DLG2: variants seen among roughly 807,000 people sequenced by gnomAD.
DLG2 encodes the protein discs large MAGUK scaffold protein 2, also known as disks large homolog 2.
Under a neutral mutation model 132.5 loss-of-function variants are expected in DLG2, and 45 were observed. The observed-to-expected ratio is 0.34, with a 90% CI of 0.27 to 0.44. The LOEUF (loss-of-function observed/expected upper bound fraction) is 0.44. Ranked by LOEUF, DLG2 falls within the 20% of genes least tolerant of loss-of-function variation. The pLI, the probability that DLG2 is intolerant of heterozygous loss-of-function variation, is 1.00. For missense variants in DLG2, 1,045 were observed against 1,196.9 expected (o/e 0.87, Z 1.87); for synonymous variants, 424 against 419.6 (o/e 1.01, Z -0.13).
chr11:84,575,497 CT>C (rs772668028), intron 6 of DLG2, among the ~76,000 whole-genome samples: 4 of 152,058 alleles, frequency 2.6e-5, no homozygotes, highest in Admixed American at 6.6e-5. Flanking sequence ...TCATTTGATT[CT>C]GTACAAAGTT....
At chr11:85,182,423 A>T (rs1347730297) in intron 4 of DLG2, among the ~76,000 whole-genome samples, 1 of 151,998 alleles carries the variant, frequency 6.6e-6, no homozygotes. Context: ...ACACATTTTA[A>T]TTGGCAAGGA....
At chr11:83,683,201 A>G (rs1010816120) in intron 18 of DLG2, among the ~76,000 whole-genome samples, 2 of 152,190 alleles carry the variant, frequency 1.3e-5, no homozygotes, top group African/African-American at 4.8e-5. Context: ...ATAATAGCTA[A>G]TATCTATTGA....
chr11:84,873,476 T>C (rs2085824639), intron 6 of DLG2, among the ~76,000 whole-genome samples: 1 of 152,224 alleles, frequency 6.6e-6, no homozygotes, highest in Non-Finnish European at 1.5e-5. Context: ...CACTGAGTTG[T>C]AATTCATTAC....
At chr11:85,054,564 T>G (rs1295869773) in intron 6 of DLG2, among the ~76,000 whole-genome samples, 1 of 152,208 alleles carries the variant, frequency 6.6e-6, no homozygotes, top group Non-Finnish European at 1.5e-5. Context: ...AAATATGCAC[T>G]TGTACATTCA....
intron 6 of DLG2, among the ~76,000 whole-genome samples, chr11:84,561,778 A>T (rs1312527485): frequency 6.6e-6 from 1 of 152,164 alleles, no homozygotes; most frequent in Non-Finnish European, 1.5e-5. Flanking sequence ...TTGTTAGTTA[A>T]TAAGTATCTA....
At chr11:84,072,861 T>C (rs2096777338) in intron 10 of DLG2, among the ~76,000 whole-genome samples, 1 of 152,112 alleles carries the variant, frequency 6.6e-6, no homozygotes, top group Non-Finnish European at 1.5e-5. Context: ...TGATAAAAGA[T>C]ATAATAGCCT....
intron 4 of DLG2, among the ~76,000 whole-genome samples, chr11:85,231,733 T>C (rs757947422): frequency 3.8e-4 from 58 of 152,026 alleles, no homozygotes; most frequent in African/African-American, 1.3e-3. Flanking sequence ...AGGGGATGTC[T>C]AAGGCAATCA....
At chr11:85,035,396 C>A (rs2061357483) in intron 6 of DLG2, among the ~76,000 whole-genome samples, 1 of 152,132 alleles carries the variant, frequency 6.6e-6, no homozygotes, top group South Asian at 2.1e-4. Context: ...TTCACAGTTC[C>A]ACATGGCTGA....
At chr11:84,328,218 G>A (rs2098442266) in intron 7 of DLG2, among the ~76,000 whole-genome samples, 1 of 151,228 alleles carries the variant, frequency 6.6e-6, no homozygotes, top group Admixed American at 6.6e-5. Flanking sequence ...ATGGTAATGA[G>A]TCATAACTGA....
In DLG2 at chr11:83,858,695, A is replaced by G. The variant is rs1055470400; in HGVS notation, c.1565+15725T>C. ...ATAGTGATGTGTGTTTTACTGACAC[A>G]CAAGGCCAGGTAATGATAATGATAT... On this transcript the variant is annotated intron_variant, in intron 16 of 27. Coordinates refer to ENST00000376104, the MANE Select transcript of DLG2 (RefSeq NM_001142699.3). 1.2e-3 allele frequency among the ~76,000 whole-genome samples: 180 copies of G among 152,230 alleles called. 2 individuals carry two copies. Among genetic ancestry groups the G allele is most frequent in the Admixed American group, 2.2e-3 (34 of 15,280 alleles).
intron 7 of DLG2, among the ~76,000 whole-genome samples, chr11:84,384,829 AAGGTGGCAGAGTGTT>A (rs1385687066): frequency 1.8e-4 from 28 of 152,078 alleles, no homozygotes; most frequent in Admixed American, 6.6e-5. Context: ...CAGAAGCCAC[AAGGTGGCAGAGTGTT>A]GGTACTGTGT....
At chr11:84,852,119 A>C (rs995121779) in intron 6 of DLG2, among the ~76,000 whole-genome samples, 2 of 152,020 alleles carry the variant, frequency 1.3e-5, no homozygotes, top group African/African-American at 4.8e-5. Context: ...ACCTGCAGGA[A>C]ATCTGCAGCT....
At chr11:84,976,509 A>G (rs1182660560) in intron 6 of DLG2, among the ~76,000 whole-genome samples, 1 of 152,144 alleles carries the variant, frequency 6.6e-6, no homozygotes. Flanking sequence ...ACATAATGCA[A>G]GAAATATATT....
At chr11:84,980,434 C>T (rs907080993) in intron 6 of DLG2, among the ~76,000 whole-genome samples, 1 of 152,042 alleles carries the variant, frequency 6.6e-6, no homozygotes, top group African/African-American at 2.4e-5. Context: ...AACATTCCTC[C>T]CCCTATACAG....
chr11:84,023,064 A>G (rs1429800496), intron 11 of DLG2, among the ~76,000 whole-genome samples: 1 of 152,172 alleles, frequency 6.6e-6, no homozygotes. Flanking sequence ...AATACTATCA[A>G]TCCAACCTGA....
At chr11:83,884,693 C>A (rs938224406) in intron 15 of DLG2, among the ~76,000 whole-genome samples, 1 of 152,168 alleles carries the variant, frequency 6.6e-6, no homozygotes, top group Non-Finnish European at 1.5e-5. Context: ...TGGAAGGCAC[C>A]CCCCAGTAGG....
chr11:83,631,919 A>G (rs926405470), intron 19 of DLG2: 4 of 152,228 alleles, frequency 2.6e-5, no homozygotes, highest in Admixed American at 2.6e-4. Context: ...GAAGAACCAC[A>G]AATGGAGCTT....
At chr11:84,766,809 T>G (rs747067175) in intron 6 of DLG2, among the ~76,000 whole-genome samples, 2 of 152,074 alleles carry the variant, frequency 1.3e-5, no homozygotes, top group Non-Finnish European at 2.9e-5. Context: ...TAGTCTTGCT[T>G]ATAGTCAAGA....
intron 5 of DLG2, among the ~76,000 whole-genome samples, chr11:85,143,027 T>C (rs769846833): frequency 4.0e-5 from 6 of 151,810 alleles, no homozygotes; most frequent in Non-Finnish European, 3.0e-5. Context: ...TTTTGATGTG[T>C]CTTTCTCCGG....
Sources: allele counts gnomAD v4.1 joint callset (sites outside exome capture counted in the v4.1 genomes callset), GRCh38; gene constraint gnomAD v4.1.1; transcripts MANE v1.5; gene names NCBI Gene and HGNC (gene_info 2026-07-23, HGNC 2026-07-21).